The following HLA-DQA1 variants were observed in gnomAD, a reference collection of about 807,000 sequenced individuals.
HLA-DQA1 encodes major histocompatibility complex, class II, DQ alpha 1, also known as HLA class II histocompatibility antigen, DQ alpha 1 chain.
In HLA-DQA1, 10 loss-of-function variants were observed where a neutral mutation model predicts 20.7. The observed-to-expected ratio is 0.48, with a 90% CI of 0.30 to 0.82. The LOEUF (loss-of-function observed/expected upper bound fraction) is 0.82, where lower values mean the gene tolerates loss of function less well. Ranked by LOEUF, HLA-DQA1 falls within the 40% of genes least tolerant of loss-of-function variation. The pLI is 0.07. For missense variants in HLA-DQA1, 127 were observed against 293.0 expected, an observed-to-expected ratio of 0.43 and a Z score of 4.14; for synonymous variants, 39 against 109.2, an observed-to-expected ratio of 0.36 and a Z score of 4.01.
chr6:32,642,679 G>A lies in HLA-DQA1; in HGVS notation c.683G>A (p.Gly228Asp), dbSNP rs748903287. Reference protein sequence around the residue: ...TVVCALGLSVGLMGIVVGTVF... With the variant: ...TVVCALGLSVDLMGIVVGTVF... ...GTCTGTGCCCTGGGGTTGTCTGTGG[G>A]CCTCATGGGCATTGTGGTGGGCACT... The change falls in exon 4 of 5, where the codon GGC (glycine) becomes GAC (aspartate). Residue 228 changes from glycine to aspartate, a missense_variant. Gly to Asp is a moderately conservative substitution (Grantham distance 94). Transcript: ENST00000343139. 1 of 1,261,904 alleles carries A rather than the reference G, an allele frequency of 7.9e-7. No homozygotes were observed. Among genetic ancestry groups the A allele is most frequent in the Non-Finnish European group, 1.1e-6 (1 of 908,242 alleles). 78.2% of individuals were successfully genotyped at this position (1,261,904 alleles called of 1,614,324 possible).
At chr6:32,645,450 T>C (rs879906578), downstream of HLA-DQA1, 9 of 145,528 alleles carry the variant, frequency 6.2e-5, no homozygotes, top group Non-Finnish European at 1.1e-4. Context: ...CAGTTAAAAA[T>C]AGGGTTCGCA....
chr6:32,644,169 C>T (rs1781717305), downstream of HLA-DQA1: 1 of 151,828 alleles, frequency 6.6e-6, no homozygotes, highest in African/African-American at 2.4e-5. Context: ...GTGCTGTGTC[C>T]TCCACTGGAT....
At chr6:32,644,794 T>C (rs1187061331), downstream of HLA-DQA1, 1 of 120,406 alleles carries the variant, frequency 8.3e-6, no homozygotes, top group East Asian at 2.6e-4. Flanking sequence ...GAAGTTGTAA[T>C]ATTTGACTTT....
At chr6:32,644,005 G>A (rs1261130675), downstream of HLA-DQA1, 1 of 102,480 alleles carries the variant, frequency 9.8e-6, no homozygotes, top group East Asian at 3.3e-4. Context: ...ACAGTATAGT[G>A]AATATGGCTA....
chr6:32,648,065 G>A (rs1459328814), downstream of HLA-DQA1, among the ~76,000 whole-genome samples: 1 of 149,416 alleles, frequency 6.7e-6, no homozygotes, highest in African/African-American at 2.5e-5. Context: ...ATTTGGGGGC[G>A]TTTAGAGATG....
chr6:32,655,190 G>A, the HLA-DQA1 span, among the ~76,000 whole-genome samples: 49,394 of 109,186 alleles, frequency 0.45, 9,960 homozygotes, highest in Middle Eastern at 0.54. Flanking sequence ...AATTAAAAAT[G>A]ATTAACGAGT....
the HLA-DQA1 span, among the ~76,000 whole-genome samples, chr6:32,654,281 A>C: frequency 0.15 from 8,413 of 56,420 alleles, 1,375 homozygotes; most frequent in Middle Eastern, 0.21. Context: ...TCCAGCCAGA[A>C]CTAGGCCCTG....
downstream of HLA-DQA1, among the ~76,000 whole-genome samples, chr6:32,649,718 T>C (rs1218712911): frequency 1.0e-5 from 1 of 95,548 alleles, no homozygotes; most frequent in African/African-American, 3.6e-5. Flanking sequence ...ACATAAAACC[T>C]AAAACCATAA....
At chr6:32,652,221 CAGTG>C in the HLA-DQA1 span, among the ~76,000 whole-genome samples, 2 of 83,922 alleles carry the variant, frequency 2.4e-5, 1 homozygote, top group Non-Finnish European at 5.0e-5. Flanking sequence ...GCGGAGTTTG[CAGTG>C]AGCCGAGATC....
At chr6:32,654,106 G>A in the HLA-DQA1 span, among the ~76,000 whole-genome samples, 84 of 75,700 alleles carry the variant, frequency 1.1e-3, 25 homozygotes, top group African/African-American at 2.9e-3. Flanking sequence ...CCTCGTTCAA[G>A]ACCAACTGGA....
At chr6:32,644,096 T>G (rs9273033), downstream of HLA-DQA1, 3 of 151,344 alleles carry the variant, frequency 2.0e-5, no homozygotes, top group African/African-American at 7.3e-5. Context: ...AAGGAAAGCA[T>G]GAGCTTATGA....
chr6:32,637,587 AT>A, intron 1 of HLA-DQA1, 47 bp downstream of exon 1: 1 of 862,480 alleles, frequency 1.2e-6, no homozygotes, highest in Admixed American at 2.9e-5. Flanking sequence ...AAAACAGTAA[AT>A]TGAAGGAAAA....
chr6:32,638,705 G>C (rs567796452), intron 1 of HLA-DQA1, among the ~76,000 whole-genome samples: 2 of 73,604 alleles, frequency 2.7e-5, no homozygotes, highest in South Asian at 4.3e-4. Flanking sequence ...AAGCGAGGAA[G>C]GAAGGAAGGA....
Position 32,638,944 on chromosome 6 carries a change from G to C in HLA-DQA1, c.82+1404G>C, listed in dbSNP as rs75983419. The C allele has an allele frequency of 3.5e-4, 120 of 347,116 alleles. 11 individuals carry two copies. The highest frequency in any genetic ancestry group is 7.1e-4 in the African/African-American group (26 of 36,480). 21.5% of individuals were successfully genotyped at this position (347,116 alleles called of 1,614,324 possible). ...CTCTGACTCCCTGCTCCTTTATAGA[G>C]ATGGACAGTGGGTTTGTAAAACAAA... On this transcript the variant is annotated intron_variant, in intron 1 of 4. Coordinates refer to ENST00000343139, the MANE Select transcript of HLA-DQA1 (RefSeq NM_002122.5).
intron 1 of HLA-DQA1, 117 bp from the exon 2 acceptor site, chr6:32,641,193 C>T (rs534875582): frequency 1.5e-6 from 1 of 658,210 alleles, no homozygotes; most frequent in East Asian, 3.8e-5. Flanking sequence ...TGTCCACAGA[C>T]TGTGCCAAAA....
chr6:32,653,432 T>G, the HLA-DQA1 span, among the ~76,000 whole-genome samples: 78 of 94,598 alleles, frequency 8.2e-4, 25 homozygotes, highest in Middle Eastern at 0.014. Context: ...CCCAGCTAAT[T>G]TTTGTATTTC....
At chr6:32,652,383 C>T in the HLA-DQA1 span, among the ~76,000 whole-genome samples, 2 of 29,648 alleles carry the variant, frequency 6.7e-5, 1 homozygote, top group Non-Finnish European at 1.7e-4. Context: ...ACCTACCACA[C>T]AGTTTTATTA....
chr6:32,654,850 C>T, the HLA-DQA1 span, among the ~76,000 whole-genome samples: 2 of 93,844 alleles, frequency 2.1e-5, 1 homozygote, highest in African/African-American at 7.4e-5. Context: ...AACCCTGTCT[C>T]GGGAAACCCC....
the HLA-DQA1 span, among the ~76,000 whole-genome samples, chr6:32,652,757 G>C: frequency 7.5e-6 from 1 of 133,254 alleles, no homozygotes; most frequent in African/African-American, 2.7e-5. Context: ...CATCTTCTAA[G>C]ACGGAGGAAA....
Sources: gnomAD v4.1 joint callset for allele counts (sites outside exome capture counted in the v4.1 genomes callset) on GRCh38, gnomAD v4.1.1 for gene constraint, MANE v1.5 for transcripts, NCBI Gene and HGNC (gene_info 2026-07-23, HGNC 2026-07-21) for gene names.